Variants in SEC11C observed in about 807,000 individuals in gnomAD.
SEC11C encodes the protein signal peptidase complex catalytic subunit SEC11C.
Under a neutral mutation model 21.9 loss-of-function variants are expected in SEC11C, and 10 were observed. The observed-to-expected ratio is 0.46, with a 90% CI of 0.28 to 0.77. The LOEUF is 0.77. SEC11C is among the 30% of genes least tolerant of loss of function. The pLI is 0.12. For missense variants in SEC11C, 145 were observed against 244.5 expected (o/e 0.59, Z 2.71); for synonymous variants, 83 against 85.6 (o/e 0.97, Z 0.17).
chr18:59,158,688 T>C lies in SEC11C; in HGVS notation c.*3T>C, dbSNP rs747221675. On this transcript the variant is annotated 3_prime_UTR_variant, in exon 6 of 6. Coordinates refer to ENST00000587834, the MANE Select transcript of SEC11C (RefSeq NM_033280.4). ...TGTTACTAAAACGTGAATCCTAAAA[T>C]GAGAAGCAGTTCCTGGGACCAGATT... The C allele has an allele frequency of 1.9e-6, 3 of 1,610,790 alleles. No homozygotes were observed. The highest frequency in any genetic ancestry group is 2.5e-6 in the Non-Finnish European group (3 of 1,177,134).
At chr18:59,145,370 T>C (rs1192659871) in intron 1 of SEC11C, among the ~76,000 whole-genome samples, 1 of 152,262 alleles carries the variant, frequency 6.6e-6, no homozygotes, top group Non-Finnish European at 1.5e-5. Flanking sequence ...AAAAATTTGC[T>C]GATTTCTGGT....
intron 2 of SEC11C, among the ~76,000 whole-genome samples, chr18:59,151,114 ACTC>A (rs2069347077): frequency 6.6e-6 from 1 of 152,100 alleles, no homozygotes; most frequent in Admixed American, 6.5e-5. Flanking sequence ...ATTGAAAAGA[ACTC>A]CTCTCCTGAT....
In SEC11C at chr18:59,157,617, A is replaced by G. The variant is rs1414295772; in HGVS notation, c.477A>G (p.Pro159=). 29 of 1,606,486 alleles carry G rather than the reference A, an allele frequency of 1.8e-5. No individual in the cohort carries two copies. The highest frequency in any genetic ancestry group is 2.5e-5 in the Non-Finnish European group (29 of 1,173,246). ...TTATCCCACAATTTAGGTTTTTACC[A>G]TATGTTGGTATGGTCACCATAATAA... is the stretch of plus-strand genomic sequence containing the variant. ...DVVGRARGFL[P]YVGMVTIIMN... Residue 159 remains proline (P), a synonymous_variant, in exon 5 of 6, where the codon CCA becomes CCG. Transcript: ENST00000587834.
chr18:59,148,619 CTTT>C (rs5825316), intron 1 of SEC11C, among the ~76,000 whole-genome samples: 1 of 146,986 alleles, frequency 6.8e-6, no homozygotes, highest in African/African-American at 2.5e-5. Flanking sequence ...ACCTGTGCTC[CTTT>C]TTTTTTTTTG....
chr18:59,158,365 T>G (rs2069443141), intron 5 of SEC11C, among the ~76,000 whole-genome samples: 1 of 152,220 alleles, frequency 6.6e-6, no homozygotes, highest in Non-Finnish European at 1.5e-5. Flanking sequence ...AAAAATCACT[T>G]GACAAACAAT....
At position 59,139,915 on chromosome 18, in the gene SEC11C, G is replaced by A. The variant is rs2069188478; in HGVS notation, c.-34G>A. On this transcript the variant is annotated 5_prime_UTR_variant, in exon 1 of 6. Transcript: ENST00000587834. ...TCCGCAGCCGTCTGTGCCACCCAGAGCCGGCGGGCCGCTAGGTCCCCGGAG... is the reference window on the plus strand; with the variant it reads ...TCCGCAGCCGTCTGTGCCACCCAGAACCGGCGGGCCGCTAGGTCCCCGGAG... 3 of 1,483,974 alleles carry A rather than the reference G, an allele frequency of 2.0e-6. No individual in the cohort carries two copies. The highest frequency in any genetic ancestry group is 2.7e-6 in the Non-Finnish European group (3 of 1,109,234). 91.9% of individuals were successfully genotyped at this position (1,483,974 alleles called of 1,614,324 possible).
intron 2 of SEC11C, among the ~76,000 whole-genome samples, 165 bp downstream of exon 2, chr18:59,149,787 G>C (rs74845037): frequency 6.6e-6 from 1 of 151,644 alleles, no homozygotes; most frequent in African/African-American, 2.4e-5. Flanking sequence ...AAAATGTTTC[G>C]TTTTTTTTCT....
intron 5 of SEC11C, 46 bp downstream of exon 5, chr18:59,157,711 G>T (rs762717311): frequency 7.4e-7 from 1 of 1,354,536 alleles, no homozygotes; most frequent in South Asian, 1.2e-5. Context: ...GTTAAATATT[G>T]GAGCTTTTAC....
intron 3 of SEC11C, 39 bp from the exon 4 acceptor site, chr18:59,155,649 T>C: frequency 6.3e-7 from 1 of 1,599,712 alleles, no homozygotes; most frequent in Non-Finnish European, 8.5e-7. Flanking sequence ...GATGCTGTGC[T>C]GAAAATAATT....
At chr18:59,158,052 A>ATG (rs926088446) in intron 5 of SEC11C, among the ~76,000 whole-genome samples, 26 of 151,994 alleles carry the variant, frequency 1.7e-4, no homozygotes, top group African/African-American at 4.4e-4. Context: ...ATGTATACAT[A>ATG]TGTGTATATA....
In SEC11C at chr18:59,143,352, C is replaced by CA. The variant is rs36204971; in HGVS notation, c.87+3340dup. On this transcript the variant is annotated intron_variant, in intron 1 of 5. Transcript: ENST00000587834. ...TGGGCAACAGAGTGAGACTCCATTT[C>CA]AAAAAAAAAAAAAAAAAAAAAAAGT... Among the ~76,000 whole-genome samples, 405 of 110,752 alleles carry CA rather than the reference C, an allele frequency of 3.7e-3. 2 individuals are homozygous for CA. The highest frequency in any genetic ancestry group is 0.011 in the Middle Eastern group (2 of 188). 72.7% of individuals were successfully genotyped at this position (110,752 alleles called of 152,430 possible).
chr18:59,140,899 C>T (rs1234932329), intron 1 of SEC11C, among the ~76,000 whole-genome samples: 1 of 152,038 alleles, frequency 6.6e-6, no homozygotes, highest in African/African-American at 2.4e-5. Context: ...ATGTAGGCTT[C>T]TAGGTAGAGA....
chr18:59,147,340 C>T (rs2069288490), intron 1 of SEC11C: 1 of 152,250 alleles, frequency 6.6e-6, no homozygotes, highest in African/African-American at 2.4e-5. Flanking sequence ...CAGGTCCTCA[C>T]TCCAAACTCA....
intron 1 of SEC11C, among the ~76,000 whole-genome samples, chr18:59,140,631 C>A (rs1247093212): frequency 1.3e-5 from 2 of 152,180 alleles, no homozygotes; most frequent in Non-Finnish European, 2.9e-5. Flanking sequence ...GTGTTCCCAG[C>A]GAGATTCCAG....
chr18:59,158,003 AATATATACACATATATGTAT>A (rs961123327), intron 5 of SEC11C, among the ~76,000 whole-genome samples: 20 of 152,040 alleles, frequency 1.3e-4, no homozygotes, highest in African/African-American at 4.3e-4. Flanking sequence ...TCTCTCTCTA[AATATATACACATATATGTAT>A]ATATATACAC....
chr18:59,141,328 G>GT (rs1428937712), intron 1 of SEC11C, among the ~76,000 whole-genome samples: 13 of 152,216 alleles, frequency 8.5e-5, no homozygotes, highest in Admixed American at 7.9e-4. Context: ...GCTTAAAAAA[G>GT]TAACTGCTAA....
Position 59,144,693 on chromosome 18 carries a change from C to G in SEC11C, c.87+4658C>G, listed in dbSNP as rs192088777. On this transcript the variant is annotated intron_variant, in intron 1 of 5. Transcript: ENST00000587834. ...TGAGCTATGGTTGCACCACTGCACT[C>G]TAGCCTAGGCCACAGACTGAAACCT... 5.6e-3 allele frequency among the ~76,000 whole-genome samples: 749 copies of G among 134,794 alleles called. 4 individuals carry two copies. Among genetic ancestry groups the G allele is most frequent in the Non-Finnish European group, 7.5e-3 (492 of 65,426 alleles). 88.4% of individuals were successfully genotyped at this position (134,794 alleles called of 152,430 possible).
intron 4 of SEC11C, 57 bp downstream of exon 4, chr18:59,155,864 A>G: frequency 6.3e-7 from 1 of 1,587,108 alleles, no homozygotes; most frequent in Non-Finnish European, 8.6e-7. Flanking sequence ...AGAAATGAAG[A>G]AATTAAATCA....
intron 4 of SEC11C, 74 bp from the exon 5 acceptor site, chr18:59,157,534 T>C: frequency 1.0e-6 from 1 of 971,592 alleles, no homozygotes; most frequent in East Asian, 2.4e-5. Context: ...GACTGATCTA[T>C]AGTGTTTTCA....
Sources: gnomAD v4.1 joint callset for allele counts (sites outside exome capture counted in the v4.1 genomes callset) on GRCh38, gnomAD v4.1.1 for gene constraint, MANE v1.5 for transcripts, NCBI Gene and HGNC (gene_info 2026-07-23, HGNC 2026-07-21) for gene names.